The following RAP1GAP variants were observed in gnomAD, a reference collection of about 807,000 sequenced individuals.
The protein encoded by RAP1GAP is RAP1 GTPase activating protein.
In RAP1GAP, 35 loss-of-function variants were observed where a neutral mutation model predicts 87.2. The ratio of observed to expected loss-of-function variants is 0.40; its 90% CI spans 0.31 to 0.53. The LOEUF (loss-of-function observed/expected upper bound fraction) is 0.53. Ranked by LOEUF, RAP1GAP falls within the 20% of genes least tolerant of loss-of-function variation. The pLI, the probability that RAP1GAP is intolerant of heterozygous loss-of-function variation, is 0.48. For missense variants in RAP1GAP, 734 were observed against 898.9 expected (o/e 0.82, Z 2.35); for synonymous variants, 375 against 363.9 (o/e 1.03, Z -0.35).
intron 1 of RAP1GAP, among the ~76,000 whole-genome samples, chr1:21,666,252 G>A (rs2152425237): frequency 6.6e-6 from 1 of 152,358 alleles, no homozygotes; most frequent in East Asian, 1.9e-4. Context: ...CATGCAAGGA[G>A]GTGAGCAGAG....
chr1:21,608,940 G>C lies in RAP1GAP; in HGVS notation c.1072-4C>G, dbSNP rs861212. 59 of 1,611,244 alleles carry C rather than the reference G, an allele frequency of 3.7e-5. 1 individual carries two copies. Among genetic ancestry groups the C allele is most frequent in the Non-Finnish European group, 1.0e-5 (12 of 1,177,596 alleles). ...AAAATTCCTGGAACTCAGGCCCCTG[G>C]AAACTCCCAGTGTGGAGGAGATAAG... On this transcript the variant is annotated splice_polypyrimidine_tract_variant and splice_region_variant and intron_variant, in intron 15 of 24. Coordinates refer to ENST00000374765, the MANE Select transcript of RAP1GAP (RefSeq NM_002885.4).
chr1:21,602,928 C>T lies in RAP1GAP; in HGVS notation c.1429-15G>A. On this transcript the variant is annotated splice_polypyrimidine_tract_variant and intron_variant, in intron 18 of 24. Transcript: ENST00000374765. The stretch of plus-strand genomic sequence containing the variant: ...ACAATCAGTGACTGTGGGGAGAGGC[C>T]CCAACTCAGTGCCACCTTACCTGGG... 3.2e-6 allele frequency: 5 copies of T among 1,587,286 alleles called. No individual in the cohort carries two copies. The highest frequency in any genetic ancestry group is 4.3e-6 in the Non-Finnish European group (5 of 1,162,114).
At chr1:21,627,002 G>A (rs2092393425) in intron 2 of RAP1GAP, 1 of 456,734 alleles carries the variant, frequency 2.2e-6, no homozygotes, top group Admixed American at 2.3e-5. Flanking sequence ...GCTAGCATCT[G>A]CATGAGACCT....
rs147989797 is a variant in RAP1GAP at position 21,609,439 on chromosome 1, C to A, written c.1071+136G>T. The A allele has an allele frequency of 6.5e-4, 332 of 510,734 alleles. 1 individual carries two copies. The highest frequency in any genetic ancestry group is 1.0e-3 in the Non-Finnish European group (300 of 286,926). The allele number at this position is 510,734 out of a possible 1,614,324, so 31.6% of individuals were successfully genotyped here. ...CAAGATGAATGGAAAAGCCAGGCCC[C>A]GGTTGCAGTTAGGGGAGCCCAGCTG... On this transcript the variant is annotated intron_variant, in intron 15 of 24. Transcript: ENST00000374765. The surrounding 1 kb of genome is among the most constrained non-coding windows in gnomAD (Gnocchi z 4.4).
chr1:21,608,250 T>C lies in RAP1GAP; in HGVS notation c.1259A>G (p.Asn420Ser). The C allele has an allele frequency of 6.2e-7, 1 of 1,614,064 alleles. No homozygotes were observed. Among genetic ancestry groups the C allele is most frequent in the Non-Finnish European group, 8.5e-7 (1 of 1,179,944 alleles). ...GLGGDEDKMENGSGGGGFFES... is the reference protein window; with the variant it reads ...GLGGDEDKMESGSGGGGFFES... ...AAAGAAGCCGCCGCCCCCACTGCCATTCTCCATCTTGTCCTCGTCGCCGCC... is the reference window on the plus strand; with the variant it reads ...AAAGAAGCCGCCGCCCCCACTGCCACTCTCCATCTTGTCCTCGTCGCCGCC... The change falls in exon 17 of 25, where the codon AAT (asparagine) becomes AGT (serine). Residue 420 changes from asparagine (N) to serine (S), a missense_variant. This residue lies in a region of RAP1GAP where 485 missense variants were observed against 646.2 expected (regional missense o/e 0.75). Coordinates refer to ENST00000374765, the MANE Select transcript of RAP1GAP (RefSeq NM_002885.4).
At position 21,669,115 on chromosome 1, in the gene RAP1GAP, A is replaced by T; in HGVS notation, c.-149+139T>A. On this transcript the variant is annotated intron_variant, in intron 1 of 24. Coordinates refer to ENST00000374765, the MANE Select transcript of RAP1GAP (RefSeq NM_002885.4). The surrounding 1 kb of genome is among the most constrained non-coding windows in gnomAD (Gnocchi z 5.6). ...CTGCGCCCACCCCTCGCCCCTGGAG[A>T]CCCGGGTCCCCCACGCGTTCGCCCC... The T allele has an allele frequency of 1.1e-6, 1 of 910,994 alleles. No individual in the cohort carries two copies. Among genetic ancestry groups the T allele is most frequent in the Non-Finnish European group, 1.4e-6 (1 of 712,538 alleles). 56.4% of individuals were successfully genotyped at this position (910,994 alleles called of 1,614,324 possible).
At position 21,669,142 on chromosome 1, in the gene RAP1GAP, A is replaced by T; in HGVS notation, c.-149+112T>A. 1 of 1,108,968 alleles carries T rather than the reference A, an allele frequency of 9.0e-7. No homozygotes were observed. The highest frequency in any genetic ancestry group is 1.1e-6 in the Non-Finnish European group (1 of 887,122). 68.7% of individuals were successfully genotyped at this position (1,108,968 alleles called of 1,614,324 possible). On this transcript the variant is annotated intron_variant, in intron 1 of 24. Transcript: ENST00000374765. This position sits in a 1 kb window ranked among gnomAD's most constrained non-coding sequence, Gnocchi z 5.6. ...CCGGGTCCCCCACGCGTTCGCCCCC[A>T]CCCTCCGTCCCCGCCCGCCCGCGCG...
chr1:21,654,348 C>T (rs2096775100), intron 1 of RAP1GAP, among the ~76,000 whole-genome samples: 1 of 152,222 alleles, frequency 6.6e-6, no homozygotes, highest in Admixed American at 6.5e-5. Context: ...AGCTCTCCCG[C>T]TTGTCACCTG....
intron 1 of RAP1GAP, among the ~76,000 whole-genome samples, chr1:21,660,975 G>A (rs1334536912): frequency 1.3e-5 from 2 of 152,228 alleles, no homozygotes; most frequent in East Asian, 1.9e-4. Flanking sequence ...TGGCTGGGGC[G>A]CGGTGGCTCA....
At chr1:21,627,597 TAG>T (rs894373579) in intron 2 of RAP1GAP, among the ~76,000 whole-genome samples, 14 of 151,976 alleles carry the variant, frequency 9.2e-5, no homozygotes, top group African/African-American at 2.9e-4. Context: ...GTATTTTTAG[TAG>T]AGACGGGGTT....
intron 1 of RAP1GAP, chr1:21,667,499 G>C (rs7539182): frequency 2.6e-5 from 4 of 152,100 alleles, no homozygotes. Flanking sequence ...GGTGCTCCAC[G>C]GGACAACCCT....
rs2079567061 is a variant in RAP1GAP at position 21,613,202 on chromosome 1, G to A, written c.502C>T (p.Arg168Trp). The stretch of plus-strand genomic sequence containing the variant: ...TTGGGGTAGAGCACAGGATAGAACC[G>A]ATCCACATTGACGTCTTCACACACC... The part of the protein sequence containing the change: ...KLVCEDVNVD[R>W]FYPVLYPKAS... The change falls in exon 10 of 25, where the codon CGG (arginine) becomes TGG (tryptophan). Residue 168 changes from arginine to tryptophan, a missense_variant. Physicochemically the swap from Arg to Trp is moderately radical, Grantham distance 101. This residue lies in a region of RAP1GAP where 485 missense variants were observed against 646.2 expected (regional missense o/e 0.75). Transcript: ENST00000374765. This position sits in a 1 kb window ranked among gnomAD's most constrained non-coding sequence, Gnocchi z 4.7. The A allele has an allele frequency of 1.3e-6, 2 of 1,563,966 alleles. No homozygotes were observed. Among genetic ancestry groups the A allele is most frequent in the South Asian group, 2.2e-5 (2 of 90,046 alleles).
At chr1:21,641,979 A>G (rs1272685865) in intron 2 of RAP1GAP, among the ~76,000 whole-genome samples, 1 of 152,186 alleles carries the variant, frequency 6.6e-6, no homozygotes, top group Non-Finnish European at 1.5e-5. Context: ...CCGGCCCTTT[A>G]AAAGCACCTC....
At chr1:21,618,887 C>A (rs150275476) in intron 5 of RAP1GAP, 138 bp downstream of exon 5, 4 of 1,005,972 alleles carry the variant, frequency 4.0e-6, no homozygotes, top group Non-Finnish European at 4.4e-6. Context: ...GTGCCTCCCC[C>A]CCTACCCCCG....
intron 1 of RAP1GAP, among the ~76,000 whole-genome samples, chr1:21,656,805 C>T (rs2096885784): frequency 6.6e-6 from 1 of 152,244 alleles, no homozygotes; most frequent in Admixed American, 6.5e-5. Flanking sequence ...AATACCTGCC[C>T]CCACTCAGGC....
At chr1:21,619,203 G>T in intron 4 of RAP1GAP, 131 bp from the exon 5 acceptor site, 2 of 949,376 alleles carry the variant, frequency 2.1e-6, no homozygotes, top group Non-Finnish European at 3.1e-6. Context: ...AGGGCAGGGT[G>T]CTAGCTGGCT....
Position 21,608,832 on chromosome 1 carries a change from C to T in RAP1GAP, c.1158+18G>A. The T allele has an allele frequency of 1.9e-6, 3 of 1,607,218 alleles. No homozygotes were observed. Among genetic ancestry groups the T allele is most frequent in the African/African-American group, 2.7e-5 (2 of 74,890 alleles). ...AAGGTGAGAAGAGGGTCACCCAGCCCTCACAGCCCATCCTCACCTCCAGTT... is the reference window on the plus strand; with the variant it reads ...AAGGTGAGAAGAGGGTCACCCAGCCTTCACAGCCCATCCTCACCTCCAGTT... On this transcript the variant is annotated intron_variant, in intron 16 of 24. Coordinates refer to ENST00000374765, the MANE Select transcript of RAP1GAP (RefSeq NM_002885.4).
At chr1:21,627,376 A>G (rs2092536188) in intron 2 of RAP1GAP, among the ~76,000 whole-genome samples, 2 of 151,242 alleles carry the variant, frequency 1.3e-5, no homozygotes, top group Non-Finnish European at 1.5e-5. Flanking sequence ...TGGCCCAGGA[A>G]GAAGACTGAG....
At chr1:21,629,619 G>A (rs936427972) in intron 2 of RAP1GAP, among the ~76,000 whole-genome samples, 17 of 152,212 alleles carry the variant, frequency 1.1e-4, no homozygotes, top group African/African-American at 3.6e-4. Context: ...GATGGGGACA[G>A]AGAAGGAAAC....
Sources: allele counts gnomAD v4.1 joint callset (sites outside exome capture counted in the v4.1 genomes callset), GRCh38; gene constraint gnomAD v4.1.1; regional missense constraint gnomAD v4.1.1; non-coding constraint Gnocchi (gnomAD v3.1); transcripts MANE v1.5; gene names NCBI Gene and HGNC (gene_info 2026-07-23, HGNC 2026-07-21).